The following SCPEP1 variants were observed in gnomAD, a reference collection of about 807,000 sequenced individuals.
The protein encoded by SCPEP1 is serine carboxypeptidase 1.
SCPEP1 carries 51 observed loss-of-function variants against 63.8 expected under a neutral mutation model. The observed-to-expected ratio is 0.80, with a 90% confidence interval of 0.64 to 1.01. SCPEP1 has a LOEUF of 1.01. SCPEP1 is among the 50% of genes least tolerant of loss of function. The pLI, the probability that SCPEP1 is intolerant of heterozygous loss-of-function variation, is 0.00. For missense variants in SCPEP1, 499 were observed against 554.9 expected (o/e 0.90, Z 1.01); for synonymous variants, 204 against 207.8 (o/e 0.98, Z 0.16).
chr17:56,993,439 T>C (rs1049661267), intron 6 of SCPEP1, among the ~76,000 whole-genome samples: 1 of 148,782 alleles, frequency 6.7e-6, no homozygotes, highest in African/African-American at 2.6e-5. Flanking sequence ...TTGTTGTTTG[T>C]TTGTTTTTGT....
chr17:56,987,639 A>T, intron 3 of SCPEP1, 56 bp from the exon 4 acceptor site: 1 of 1,573,122 alleles, frequency 6.4e-7, no homozygotes, highest in Non-Finnish European at 8.7e-7. Flanking sequence ...TGATCCAAAG[A>T]TGATTGGTGA....
chr17:57,000,868 C>T lies in SCPEP1; in HGVS notation c.1008C>T (p.Asn336=), dbSNP rs201211805. ...EDQSWGGQAT[N]VFVNMEEDFM... is the part of the protein sequence containing the mutation. ...CCCCATGTGCAGGCCAGGCTACCAA[C>T]GTCTTTGTGAACATGGAGGAGGACT... The change falls in exon 11 of 13, where the codon AAC becomes AAT. Residue 336 remains asparagine (N), a synonymous_variant. Transcript: ENST00000262288. 1.8e-4 allele frequency: 289 copies of T among 1,614,140 alleles called. No homozygotes were observed. The highest frequency in any genetic ancestry group is 2.7e-4 in the South Asian group (25 of 91,086).
intron 3 of SCPEP1, among the ~76,000 whole-genome samples, chr17:56,986,453 C>T (rs904391807): frequency 5.3e-5 from 8 of 151,926 alleles, no homozygotes; most frequent in African/African-American, 1.9e-4. Flanking sequence ...CTCTTGACCT[C>T]GTGATCCACC....
chr17:56,997,059 A>C lies in SCPEP1; in HGVS notation c.880+4A>C, dbSNP rs748690963. The C allele has an allele frequency of 2.6e-6, 4 of 1,564,868 alleles. No homozygotes were observed. Among genetic ancestry groups the C allele is most frequent in the African/African-American group, 1.4e-5 (1 of 73,530 alleles). On this transcript the variant is annotated splice_donor_region_variant and intron_variant, in intron 9 of 12. Transcript: ENST00000262288. Reference sequence around the variant, plus strand: ...GAATTCACACAGAGCCACCTAGGTGAGTGAACCTTGAAGTTATTAAAGTCC... The same window carrying C: ...GAATTCACACAGAGCCACCTAGGTGCGTGAACCTTGAAGTTATTAAAGTCC...
At position 56,982,571 on chromosome 17, in the gene SCPEP1, C is replaced by T. The variant is rs118163942; in HGVS notation, c.225+1341C>T. On this transcript the variant is annotated intron_variant, in intron 2 of 12. Coordinates refer to ENST00000262288, the MANE Select transcript of SCPEP1 (RefSeq NM_021626.3). ...GGAGACAAAGGTGCGGCACAATTGG[C>T]AGGGAGAGCCAGGCCGTGGACAAGC... Among the ~76,000 whole-genome samples, 213 of 152,258 alleles carry T rather than the reference C, an allele frequency of 1.4e-3. 4 individuals carry two copies. The East Asian group carries it at 0.025, about 18-fold the overall frequency.
chr17:57,005,216 A>G (rs1298081893), intron 12 of SCPEP1, among the ~76,000 whole-genome samples: 5 of 152,176 alleles, frequency 3.3e-5, no homozygotes, highest in Non-Finnish European at 5.9e-5. Context: ...ATTGTGGAGC[A>G]TTTTGGATTT....
rs1377051202 is a variant in SCPEP1 at position 57,006,682 on chromosome 17, T to C, written c.*447T>C. The C allele has an allele frequency of 6.6e-6, 1 of 152,262 alleles. No homozygotes were observed. Among genetic ancestry groups the C allele is most frequent in the Non-Finnish European group, 1.5e-5 (1 of 68,096 alleles). 9.4% of individuals were successfully genotyped at this position (152,262 alleles called of 1,614,324 possible). A position where few individuals can be genotyped will look rare whatever the true frequency, so the allele number is the denominator to read the frequency against. On this transcript the variant is annotated 3_prime_UTR_variant, in exon 13 of 13. Coordinates refer to ENST00000262288, the MANE Select transcript of SCPEP1 (RefSeq NM_021626.3). The stretch of plus-strand genomic sequence containing the variant: ...ATTTTTTACCAAAATGAATCATTAC[T>C]CTATGTTGTTTTACTATTTGTTTGA...
chr17:57,000,990 TG>T lies in SCPEP1; in HGVS notation c.1132+1del, dbSNP rs1296519695. On this transcript the variant is annotated frameshift_variant and splice_region_variant, in exon 11 of 13. Transcript: ENST00000262288. LOFTEE classifies it high-confidence loss of function. ...NGQLDLIVDT[M>X]GQEAWVRKLK... ...CAGCTGGATCTCATCGTAGATACCA[TG>T]GGTAGGAATTGACTCTGAGAGGCAC... is the stretch of plus-strand genomic sequence containing the variant. 1 of 1,614,128 alleles carries T rather than the reference TG, an allele frequency of 6.2e-7. No homozygotes were observed. The highest frequency in any genetic ancestry group is 1.7e-5 in the Admixed American group (1 of 60,014).
intron 1 of SCPEP1, 143 bp downstream of exon 1, chr17:56,978,378 C>A: frequency 3.1e-6 from 3 of 966,056 alleles, no homozygotes; most frequent in Non-Finnish European, 4.1e-6. Flanking sequence ...TTGAATCTCA[C>A]TCTTTTTTTT....
At chr17:56,990,737 T>TG (rs5821154) in intron 5 of SCPEP1, among the ~76,000 whole-genome samples, 127,546 of 152,076 alleles carry the variant, frequency 0.84, 53,636 homozygotes, top group Admixed American at 0.89. Flanking sequence ...TGGGCTCAAG[T>TG]ATCCTCCTGC....
At chr17:56,987,486 G>A (rs187113348) in intron 3 of SCPEP1, 28 of 381,826 alleles carry the variant, frequency 7.3e-5, no homozygotes, top group African/African-American at 5.1e-4. Flanking sequence ...TTTTTGCGGC[G>A]GCGGGGGCGG....
chr17:56,997,273 G>C (rs779013039), intron 9 of SCPEP1: 52 of 399,584 alleles, frequency 1.3e-4, no homozygotes, highest in Non-Finnish European at 1.9e-4. Context: ...CCACGTGTCT[G>C]CTTGCAGACA....
In SCPEP1 at chr17:56,987,792, T is replaced by A. The variant is rs548871325; in HGVS notation, c.413T>A (p.Val138Glu). Residue 138 changes from valine to glutamate, a missense_variant, in exon 4 of 13, where the codon GTG becomes GAG. Physicochemically the swap from Val to Glu is moderately radical, Grantham distance 121. Transcript: ENST00000262288. ...SGAYAKDLAMVASDMMVLLKT... is the reference protein window; with the variant it reads ...SGAYAKDLAMEASDMMVLLKT... ...GCCTATGCCAAGGACCTGGCTATGG[T>A]GGCTTCAGACATGATGGTTCTCCTG... 6 of 1,614,176 alleles carry A rather than the reference T, an allele frequency of 3.7e-6. No homozygotes were observed. The African/African-American group carries it at 8.0e-5, about 22-fold the overall frequency.
At chr17:56,991,920 G>T (rs1285118767) in intron 6 of SCPEP1, among the ~76,000 whole-genome samples, 1 of 152,182 alleles carries the variant, frequency 6.6e-6, no homozygotes, top group African/African-American at 2.4e-5. Context: ...GTCTCCCTGG[G>T]GAACAAAACC....
chr17:56,986,145 T>G (rs1045657409), intron 3 of SCPEP1, among the ~76,000 whole-genome samples: 6 of 152,084 alleles, frequency 3.9e-5, no homozygotes, highest in Non-Finnish European at 8.8e-5. Flanking sequence ...CTGCACCTAT[T>G]GCTATGAATG....
intron 7 of SCPEP1, 144 bp from the exon 8 acceptor site, chr17:56,995,363 A>G (rs1179477200): frequency 2.5e-6 from 2 of 814,006 alleles, no homozygotes; most frequent in Non-Finnish European, 3.9e-6. Context: ...TCCAATAAAC[A>G]TGTGGCTTGT....
intron 12 of SCPEP1, among the ~76,000 whole-genome samples, chr17:57,005,473 G>A (rs1445598836): frequency 3.1e-4 from 47 of 152,128 alleles, no homozygotes; most frequent in Admixed American, 3.1e-3. Flanking sequence ...AACCCACCTT[G>A]CCTGTGCCTC....
intron 9 of SCPEP1, chr17:56,997,267 G>A (rs964135212): frequency 3.0e-5 from 12 of 402,774 alleles, no homozygotes; most frequent in South Asian, 1.8e-4. Context: ...GAGATCCCAC[G>A]TGTCTGCTTG....
intron 9 of SCPEP1, 170 bp from the exon 10 acceptor site, chr17:56,998,215 G>A (rs1322835056): frequency 3.9e-6 from 2 of 517,980 alleles, no homozygotes; most frequent in Non-Finnish European, 7.0e-6. Flanking sequence ...GGAGGCTGAG[G>A]CAGGAAAATC....
Sources: allele counts gnomAD v4.1 joint callset (sites outside exome capture counted in the v4.1 genomes callset), GRCh38; gene constraint gnomAD v4.1.1; transcripts MANE v1.5; gene names NCBI Gene and HGNC (gene_info 2026-07-23, HGNC 2026-07-21).